The following TMEM74 variants were observed in gnomAD, a reference collection of about 807,000 sequenced individuals.
The protein encoded by TMEM74 is transmembrane protein 74.
In TMEM74, 13 loss-of-function variants were observed where a neutral mutation model predicts 18.1. The ratio of observed to expected loss-of-function variants is 0.72; its 90% CI spans 0.47 to 1.14. The LOEUF is 1.14. Ranked by LOEUF, TMEM74 falls within the 50% of genes most tolerant of loss-of-function variation. The pLI, the probability that TMEM74 is intolerant of heterozygous loss-of-function variation, is 0.00. For synonymous variants in TMEM74, 159 were observed against 146.6 expected, an observed-to-expected ratio of 1.08 and a Z score of -0.61; for missense variants, 372 against 375.9, an observed-to-expected ratio of 0.99 and a Z score of 0.09.
intron 2 of TMEM74, among the ~76,000 whole-genome samples, chr8:108,623,146 A>T (rs1422647187): frequency 2.6e-5 from 4 of 152,134 alleles, no homozygotes; most frequent in Non-Finnish European, 5.9e-5. Flanking sequence ...AGAAATAGTT[A>T]AGTGTAAATG....
chr8:108,688,286 A>T (rs1813191963), intron 1 of TMEM74, among the ~76,000 whole-genome samples: 7 of 152,212 alleles, frequency 4.6e-5, no homozygotes, highest in Admixed American at 3.9e-4. Context: ...GAAAATCCAC[A>T]TTTAATATCC....
chr8:108,766,632 A>G (rs1464694460), intron 1 of TMEM74, among the ~76,000 whole-genome samples: 1 of 151,046 alleles, frequency 6.6e-6, no homozygotes, highest in East Asian at 2.0e-4. Flanking sequence ...GGAAGAACAA[A>G]TAGGATACAT....
At chr8:108,759,318 C>T (rs1012494681) in intron 1 of TMEM74, among the ~76,000 whole-genome samples, 2 of 152,008 alleles carry the variant, frequency 1.3e-5, no homozygotes, top group African/African-American at 4.8e-5. Context: ...ATTCCAATGT[C>T]TTTGGAAGGC....
intron 1 of TMEM74, among the ~76,000 whole-genome samples, chr8:108,711,028 C>G (rs1813470439): frequency 6.6e-6 from 1 of 152,194 alleles, no homozygotes; most frequent in Admixed American, 6.5e-5. Flanking sequence ...CAAAGCACAG[C>G]CATGTTCTTT....
rs907220229 is a variant in TMEM74, at chr8:108,782,937, G to C, written c.*1244C>G. 4.6e-5 allele frequency among the ~76,000 whole-genome samples: 7 copies of C among 152,176 alleles called. No individual in the cohort carries two copies. Among genetic ancestry groups the C allele is most frequent in the African/African-American group, 1.4e-4 (6 of 41,428 alleles). On this transcript the variant is annotated 3_prime_UTR_variant, in exon 2 of 2. Transcript: ENST00000297459. ...ACTGTGAACACCCAGTGTGTGTCTTGCAAAGTGAGCACCTTGCTCATCATG... is the reference window on the plus strand; with the variant it reads ...ACTGTGAACACCCAGTGTGTGTCTTCCAAAGTGAGCACCTTGCTCATCATG...
At chr8:108,739,571 A>G (rs529085157) in intron 1 of TMEM74, among the ~76,000 whole-genome samples, 1 of 152,334 alleles carries the variant, frequency 6.6e-6, no homozygotes, top group Admixed American at 6.5e-5. Context: ...TCCAAAACTA[A>G]GTAGTTCAAA....
chr8:108,701,996 A>G (rs1813340225), intron 1 of TMEM74, among the ~76,000 whole-genome samples: 1 of 152,150 alleles, frequency 6.6e-6, no homozygotes, highest in Admixed American at 6.5e-5. Context: ...ACCCAACATT[A>G]AGCTTTACTA....
rs551048379 is a variant in TMEM74, at chr8:108,770,974, G to A, written n.119+16502C>T. Among the ~76,000 whole-genome samples the A allele has an allele frequency of 1.1e-3, 163 of 152,150 alleles. 1 individual carries two copies. Among genetic ancestry groups the A allele is most frequent in the African/African-American group, 3.5e-3 (147 of 41,528 alleles). The stretch of plus-strand genomic sequence containing the variant: ...GGTCTCACTGAGAAGGTCCCACATC[G>A]TCCCTTGTCACTCACTCCAGTGTAA... On this transcript the variant is annotated intron_variant and non_coding_transcript_variant, in intron 1 of 3. Transcript: ENST00000518838.
intron 1 of TMEM74, among the ~76,000 whole-genome samples, chr8:108,716,493 T>A (rs1813524023): frequency 6.6e-6 from 1 of 152,094 alleles, no homozygotes; most frequent in African/African-American, 2.4e-5. Context: ...GTTAAAATTA[T>A]AGATTAGAAA....
At chr8:108,626,595 T>G (rs1381256991) in intron 2 of TMEM74, 1 of 152,130 alleles carries the variant, frequency 6.6e-6, no homozygotes, top group African/African-American at 2.4e-5. Context: ...GGAGGTGGTC[T>G]GGGCCAGTGA....
intron 1 of TMEM74, among the ~76,000 whole-genome samples, chr8:108,752,500 C>T (rs1267845356): frequency 6.6e-6 from 1 of 152,136 alleles, no homozygotes; most frequent in Non-Finnish European, 1.5e-5. Flanking sequence ...CTTGCTGTCA[C>T]TGCAGCAAGT....
chr8:108,636,343 G>T (rs1812606544), intron 2 of TMEM74, among the ~76,000 whole-genome samples: 1 of 152,002 alleles, frequency 6.6e-6, no homozygotes, highest in Admixed American at 6.6e-5. Context: ...TCACAACTGG[G>T]GAGCTCTGTT....
At chr8:108,643,402 A>G (rs1370111257) in intron 2 of TMEM74, among the ~76,000 whole-genome samples, 1 of 152,202 alleles carries the variant, frequency 6.6e-6, no homozygotes, top group African/African-American at 2.4e-5. Context: ...TATTTCACTT[A>G]TAACTTGAGG....
chr8:108,640,486 T>C (rs911623372), intron 2 of TMEM74, among the ~76,000 whole-genome samples: 2 of 152,138 alleles, frequency 1.3e-5, no homozygotes, highest in African/African-American at 4.8e-5. Flanking sequence ...GTATATTTAT[T>C]TTGATTATAT....
Position 108,781,320 on chromosome 8 carries a change from T to A in TMEM74, c.*2861A>T, listed in dbSNP as rs960527655. ...CTATAGGTATTGTATGCCCAATGTC[T>A]ATAGAATGCATCACCTGGTCTTGCC... On this transcript the variant is annotated 3_prime_UTR_variant, in exon 2 of 2. Transcript: ENST00000297459. Among the ~76,000 whole-genome samples the A allele has an allele frequency of 8.5e-5, 13 of 152,184 alleles. No individual in the cohort carries two copies. Among genetic ancestry groups the A allele is most frequent in the African/African-American group, 2.4e-4 (10 of 41,448 alleles).
intron 1 of TMEM74, among the ~76,000 whole-genome samples, chr8:108,657,460 G>T (rs1361477643): frequency 1.3e-5 from 2 of 151,980 alleles, no homozygotes; most frequent in East Asian, 1.9e-4. Context: ...GCTGGATCTT[G>T]GGTTTGTAAG....
chr8:108,695,413 T>C (rs1284292231), intron 1 of TMEM74, among the ~76,000 whole-genome samples: 1 of 152,190 alleles, frequency 6.6e-6, no homozygotes, highest in African/African-American at 2.4e-5. Flanking sequence ...GTGAGAAGTA[T>C]TTTGCAAGGA....
intron 1 of TMEM74, among the ~76,000 whole-genome samples, chr8:108,754,317 T>A (rs987694227): frequency 4.6e-5 from 7 of 152,074 alleles, no homozygotes; most frequent in African/African-American, 1.4e-4. Flanking sequence ...TAAAATATAT[T>A]CAAGATAAAA....
intron 1 of TMEM74, among the ~76,000 whole-genome samples, chr8:108,698,111 C>T (rs981385477): frequency 6.6e-6 from 1 of 152,118 alleles, no homozygotes; most frequent in African/African-American, 2.4e-5. Flanking sequence ...TATGTATTAT[C>T]TCTCACTTTC....
Sources: gnomAD v4.1 joint callset for allele counts (sites outside exome capture counted in the v4.1 genomes callset) on GRCh38, gnomAD v4.1.1 for gene constraint, MANE v1.5 for transcripts, NCBI Gene and HGNC (gene_info 2026-07-23, HGNC 2026-07-21) for gene names.